Variants in PRSS12 observed in about 807,000 individuals in gnomAD.
PRSS12 encodes neurotrypsin.
PRSS12 carries 85 observed loss-of-function variants against 104.4 expected under a neutral mutation model. The observed-to-expected ratio is 0.81, with a 90% CI of 0.68 to 0.98. The LOEUF is 0.98. PRSS12 is among the 50% of genes least tolerant of loss of function. The pLI is 0.00. For missense variants in PRSS12, 1,141 were observed against 1,139.2 expected, an observed-to-expected ratio of 1.00 and a Z score of -0.02; for synonymous variants, 454 against 425.2, an observed-to-expected ratio of 1.07 and a Z score of -0.83.
chr4:118,336,929 A>G (rs1724077935), intron 2 of PRSS12, among the ~76,000 whole-genome samples: 1 of 152,208 alleles, frequency 6.6e-6, no homozygotes, highest in South Asian at 2.1e-4. Context: ...TCATGATAAA[A>G]TCAGTAATTA....
At chr4:118,328,796 T>C (rs1723846699) in intron 4 of PRSS12, among the ~76,000 whole-genome samples, 1 of 152,076 alleles carries the variant, frequency 6.6e-6, no homozygotes, top group Admixed American at 6.5e-5. Context: ...GCTAATTTTT[T>C]CTTTTTCCTT....
intron 2 of PRSS12, 70 bp from the exon 3 acceptor site, chr4:118,335,721 TG>T: frequency 7.2e-7 from 1 of 1,390,512 alleles, no homozygotes; most frequent in Non-Finnish European, 1.0e-6. Flanking sequence ...CATTTGGATT[TG>T]AAAAAAAATG....
intron 3 of PRSS12, among the ~76,000 whole-genome samples, 187 bp downstream of exon 3, chr4:118,335,286 T>C (rs1269676613): frequency 6.6e-6 from 1 of 151,944 alleles, no homozygotes; most frequent in Non-Finnish European, 1.5e-5. Flanking sequence ...CACTGGAAAA[T>C]CAAATGGAAT....
intron 5 of PRSS12, among the ~76,000 whole-genome samples, chr4:118,317,506 T>C (rs1450447766): frequency 6.6e-6 from 1 of 152,166 alleles, no homozygotes; most frequent in African/African-American, 2.4e-5. Context: ...CATTATCTCA[T>C]CTGAGCATCA....
At chr4:118,295,207 C>A in intron 10 of PRSS12, 146 bp from the exon 11 acceptor site, 1 of 1,109,026 alleles carries the variant, frequency 9.0e-7, no homozygotes, top group Non-Finnish European at 1.3e-6. Context: ...TACATCCCTT[C>A]CTACTTTGAG....
chr4:118,299,316 A>G (rs959973984), intron 8 of PRSS12, among the ~76,000 whole-genome samples: 1 of 152,250 alleles, frequency 6.6e-6, no homozygotes, highest in South Asian at 2.1e-4. Flanking sequence ...ATTGCAAAGA[A>G]AACAATGAGA....
chr4:118,352,273 A>G lies in PRSS12; in HGVS notation c.448T>C (p.Phe150Leu). ...SPDGAGRPWC[F>L]YGDARGKVDW... ...ACCTTGCCACGGGCGTCTCCGTAGA[A>G]ACACCAGGGTCTGCCCGCGCCGTCG... The change falls in exon 1 of 13, where the codon TTC (phenylalanine) becomes CTC (leucine). Residue 150 changes from phenylalanine to leucine, a missense_variant. Coordinates refer to ENST00000296498, the MANE Select transcript of PRSS12 (RefSeq NM_003619.4). 6.2e-7 allele frequency: 1 copy of G among 1,610,866 alleles called. No individual in the cohort carries two copies. Among genetic ancestry groups the G allele is most frequent in the Non-Finnish European group, 8.5e-7 (1 of 1,179,462 alleles).
intron 8 of PRSS12, 76 bp downstream of exon 8, chr4:118,308,360 T>A: frequency 5.1e-6 from 8 of 1,576,290 alleles, no homozygotes; most frequent in Non-Finnish European, 7.0e-6. Flanking sequence ...AAGTAAAAAG[T>A]AACTCATTAG....
In PRSS12 at chr4:118,323,313, C is replaced by T. The variant is rs900251019; in HGVS notation, c.972-4757G>A. ...TGAGATAAATGCCACCAAAAAAAAT[C>T]TATTAAGGAAAATTTCAATGGGTAT... On this transcript the variant is annotated intron_variant, in intron 4 of 12. Transcript: ENST00000296498. 1.1e-4 allele frequency among the ~76,000 whole-genome samples: 17 copies of T among 151,910 alleles called. 1 individual carries two copies. The highest frequency in any genetic ancestry group is 2.4e-4 in the Non-Finnish European group (16 of 67,942).
intron 3 of PRSS12, among the ~76,000 whole-genome samples, chr4:118,333,442 T>C (rs1047137684): frequency 7.9e-5 from 12 of 152,222 alleles, no homozygotes; most frequent in Non-Finnish European, 1.8e-4. Context: ...GTAGCAGAAA[T>C]TTAGATTAGT....
chr4:118,319,202 G>C (rs1300902464), intron 4 of PRSS12, among the ~76,000 whole-genome samples: 1 of 152,016 alleles, frequency 6.6e-6, no homozygotes, highest in African/African-American at 2.4e-5. Flanking sequence ...TAGGAATACA[G>C]GTATATGCCA....
chr4:118,282,320 G>A, intron 12 of PRSS12, 77 bp from the exon 13 acceptor site: 1 of 1,561,682 alleles, frequency 6.4e-7, no homozygotes, highest in Non-Finnish European at 8.8e-7. Flanking sequence ...GCATGTAATA[G>A]TTATGAAAAT....
chr4:118,321,626 A>G (rs1044647482), intron 4 of PRSS12, among the ~76,000 whole-genome samples: 2 of 152,182 alleles, frequency 1.3e-5, no homozygotes, highest in Non-Finnish European at 2.9e-5. Flanking sequence ...CACGTTAAGG[A>G]ATCCCCACGT....
intron 9 of PRSS12, among the ~76,000 whole-genome samples, chr4:118,298,177 CT>C (rs1419392802): frequency 1.3e-5 from 2 of 151,320 alleles, no homozygotes; most frequent in Non-Finnish European, 2.9e-5. Context: ...GTATGCAGAG[CT>C]TTCAAGAACT....
chr4:118,282,694 TGCATGCATTTCACACTAA>T (rs1742913693), intron 12 of PRSS12, 119 bp downstream of exon 12: 1 of 1,134,958 alleles, frequency 8.8e-7, no homozygotes, highest in Admixed American at 1.7e-5. Context: ...CTCAATTACA[TGCATGCATTTCACACTAA>T]GCAAAATTTC....
chr4:118,285,767 T>A (rs1453706903), intron 11 of PRSS12, among the ~76,000 whole-genome samples: 1 of 152,204 alleles, frequency 6.6e-6, no homozygotes, highest in African/African-American at 2.4e-5. Context: ...ATACACTATG[T>A]TAAATATATT....
At chr4:118,286,185 A>C (rs374650335) in intron 11 of PRSS12, among the ~76,000 whole-genome samples, 72 of 152,286 alleles carry the variant, frequency 4.7e-4, no homozygotes, top group African/African-American at 1.7e-3. Flanking sequence ...CTGCCTGATA[A>C]TATAACTCCT....
intron 7 of PRSS12, among the ~76,000 whole-genome samples, chr4:118,311,180 A>G (rs1001279131): frequency 6.6e-6 from 1 of 152,158 alleles, no homozygotes; most frequent in Non-Finnish European, 1.5e-5. Flanking sequence ...AATTAATGTA[A>G]TATTAAAACG....
Position 118,281,146 on chromosome 4 carries a change from G to C in PRSS12, c.*790C>G, listed in dbSNP as rs1435812651. 1 of 152,276 alleles carries C rather than the reference G, an allele frequency of 6.6e-6. No homozygotes were observed. The highest frequency in any genetic ancestry group is 1.9e-4 in the East Asian group (1 of 5,196). The allele number at this position is 152,276 out of a possible 1,614,324, so 9.4% of individuals were successfully genotyped here. Reference sequence around the variant, plus strand: ...ATCATGGTCGGGGAACGTGGACTATGATGAGGTGCTTGTTAAAAGCAAATA... The same window carrying C: ...ATCATGGTCGGGGAACGTGGACTATCATGAGGTGCTTGTTAAAAGCAAATA... On this transcript the variant is annotated 3_prime_UTR_variant, in exon 13 of 13. Coordinates refer to ENST00000296498, the MANE Select transcript of PRSS12 (RefSeq NM_003619.4).
Sources: allele counts gnomAD v4.1 joint callset (sites outside exome capture counted in the v4.1 genomes callset), GRCh38; gene constraint gnomAD v4.1.1; transcripts MANE v1.5; gene names NCBI Gene and HGNC (gene_info 2026-07-23, HGNC 2026-07-21).